The following SLC14A2 variants were observed in gnomAD, a reference collection of about 807,000 sequenced individuals.
SLC14A2 encodes solute carrier family 14 member 2, also known as urea transporter 2.
In SLC14A2, 91 loss-of-function variants were observed where a neutral mutation model predicts 104.6. That is an observed-to-expected ratio of 0.87 (90% confidence interval 0.73 to 1.04). SLC14A2 has a LOEUF of 1.04. SLC14A2 is among the 50% of genes least tolerant of loss of function. The pLI is 0.00. For missense variants in SLC14A2, 1,189 were observed against 1,156.0 expected, an observed-to-expected ratio of 1.03 and a Z score of -0.41; for synonymous variants, 476 against 466.4, an observed-to-expected ratio of 1.02 and a Z score of -0.27.
intron 16 of SLC14A2, among the ~76,000 whole-genome samples, chr18:45,671,104 G>C (rs964650879): frequency 6.6e-6 from 1 of 152,136 alleles, no homozygotes; most frequent in Admixed American, 6.5e-5. Context: ...ATATCTTTTG[G>C]AGACAAACTT....
At chr18:45,407,124 T>C (rs1220364584) in intron 1 of SLC14A2, among the ~76,000 whole-genome samples, 4 of 152,244 alleles carry the variant, frequency 2.6e-5, no homozygotes, top group Non-Finnish European at 4.4e-5. Flanking sequence ...TGGCATCTTC[T>C]CCCAATATAA....
Position 45,667,736 on chromosome 18 carries a change from C to G in SLC14A2, c.1718-97C>G, listed in dbSNP as rs2046051099. ...GCAGGTGGCTGGCTTCCTGCAAACC[C>G]ACTTCGGATATCCAGATTCCCTCAC... On this transcript the variant is annotated intron_variant, in intron 13 of 19. Transcript: ENST00000255226. 4 of 976,808 alleles carry G rather than the reference C, an allele frequency of 4.1e-6. No homozygotes were observed. In the Admixed American group the frequency reaches 7.7e-5, roughly 19 times the overall value. The allele number at this position is 976,808 out of a possible 1,614,324, so 60.5% of individuals were successfully genotyped here.
chr18:45,413,283 C>G (rs903687740), intron 1 of SLC14A2, among the ~76,000 whole-genome samples: 1 of 152,118 alleles, frequency 6.6e-6, no homozygotes, highest in Admixed American at 6.5e-5. Flanking sequence ...CCTTTAGTAA[C>G]AAGAAACTCA....
intron 1 of SLC14A2, among the ~76,000 whole-genome samples, chr18:45,441,703 G>T (rs1034494012): frequency 1.5e-4 from 23 of 152,326 alleles, no homozygotes; most frequent in African/African-American, 5.5e-4. Context: ...ACAGAAACCA[G>T]GAATGAGGAA....
intron 2 of SLC14A2, among the ~76,000 whole-genome samples, chr18:45,516,798 G>A (rs938183147): frequency 6.6e-6 from 1 of 152,224 alleles, no homozygotes; most frequent in Non-Finnish European, 1.5e-5. Context: ...GCTCCAAGGA[G>A]CTCACTCAGC....
intron 1 of SLC14A2, among the ~76,000 whole-genome samples, chr18:45,433,913 C>T (rs1568201094): frequency 6.6e-6 from 1 of 152,154 alleles, no homozygotes; most frequent in Non-Finnish European, 1.5e-5. Flanking sequence ...ACAGGAAGGG[C>T]CAGTGTTAGT....
At chr18:45,460,127 G>T (rs1158949830) in intron 1 of SLC14A2, among the ~76,000 whole-genome samples, 1 of 152,226 alleles carries the variant, frequency 6.6e-6, no homozygotes, top group Non-Finnish European at 1.5e-5. Context: ...GAAGATGTGA[G>T]TGATCTATTC....
At chr18:45,331,591 T>C (rs1472150263) in intron 1 of SLC14A2, among the ~76,000 whole-genome samples, 3 of 150,764 alleles carry the variant, frequency 2.0e-5, no homozygotes, top group Admixed American at 2.0e-4. Context: ...CTCGGGAGGC[T>C]GAGGCAGGAG....
At position 45,663,083 on chromosome 18, in the gene SLC14A2, C is replaced by T. The variant is rs555417320; in HGVS notation, c.1352-702C>T. 5.9e-5 allele frequency among the ~76,000 whole-genome samples: 9 copies of T among 152,314 alleles called. 1 individual carries two copies. In the South Asian group the frequency reaches 8.3e-4, roughly 14 times the overall value. On this transcript the variant is annotated intron_variant, in intron 10 of 19. Transcript: ENST00000255226. ...CTGATTACAGACTCAGCACTCCTAG[C>T]TCCCCATAAATTGGTATTGGTCAGG... is the stretch of plus-strand genomic sequence containing the variant.
chr18:45,324,046 CCTTTCTTTAGTGG>C (rs1445877586), intron 1 of SLC14A2, among the ~76,000 whole-genome samples: 2 of 152,112 alleles, frequency 1.3e-5, no homozygotes, highest in Admixed American at 1.3e-4. Flanking sequence ...GCACAAAAAC[CCTTTCTTTAGTGG>C]CTTGTGGGGT....
intron 1 of SLC14A2, among the ~76,000 whole-genome samples, chr18:45,235,797 G>A (rs1174743045): frequency 2.7e-5 from 3 of 110,566 alleles, no homozygotes; most frequent in Non-Finnish European, 5.4e-5. Flanking sequence ...GTGTATGCGC[G>A]TGTGTGTGTG....
chr18:45,479,567 A>G lies in SLC14A2; in HGVS notation c.-124-3666A>G, dbSNP rs1483366684. Among the ~76,000 whole-genome samples, 9 of 152,112 alleles carry G rather than the reference A, an allele frequency of 5.9e-5. No individual in the cohort carries two copies. The East Asian group carries it at 1.7e-3, about 29-fold the overall frequency. ...ACTACTCTCACTCACTATCTGTGCC[A>G]AGTTAGAGTACCTAGCACACAGGAA... On this transcript the variant is annotated intron_variant, in intron 1 of 20. Transcript: ENST00000586448.
chr18:45,355,303 C>T (rs544393385), intron 1 of SLC14A2, among the ~76,000 whole-genome samples: 3 of 152,118 alleles, frequency 2.0e-5, no homozygotes, highest in East Asian at 1.9e-4. Flanking sequence ...AGGCCTGGCG[C>T]GGTGGCTCAC....
At chr18:45,415,395 A>T (rs1275817651) in intron 1 of SLC14A2, among the ~76,000 whole-genome samples, 2 of 152,154 alleles carry the variant, frequency 1.3e-5, no homozygotes, top group Admixed American at 6.6e-5. Context: ...CTGGGACTTG[A>T]TGACATAATG....
chr18:45,431,199 G>A (rs2542971), intron 1 of SLC14A2, among the ~76,000 whole-genome samples: 116,616 of 152,078 alleles, frequency 0.77, 44,948 homozygotes, highest in South Asian at 0.88. Context: ...AGTGACCATT[G>A]GACTCTCTTC....
At chr18:45,608,891 G>A (rs1256174545) in intron 2 of SLC14A2, among the ~76,000 whole-genome samples, 6 of 152,214 alleles carry the variant, frequency 3.9e-5, no homozygotes, top group African/African-American at 1.4e-4. Context: ...CTTCCTTCAT[G>A]CCAGGTCCCC....
chr18:45,474,573 C>T (rs554606484), intron 1 of SLC14A2, among the ~76,000 whole-genome samples: 96 of 152,256 alleles, frequency 6.3e-4, no homozygotes, highest in African/African-American at 2.3e-3. Flanking sequence ...TTGGTCTATT[C>T]AGGGATTCAA....
chr18:45,317,039 G>T (rs1445515034), intron 1 of SLC14A2, among the ~76,000 whole-genome samples: 2 of 152,226 alleles, frequency 1.3e-5, no homozygotes, highest in Non-Finnish European at 2.9e-5. Context: ...TAAGGCATTA[G>T]AACTTAGGTC....
chr18:45,301,898 TC>T (rs1017045834), intron 1 of SLC14A2, among the ~76,000 whole-genome samples: 1 of 152,194 alleles, frequency 6.6e-6, no homozygotes, highest in African/African-American at 2.4e-5. Context: ...TATGATTCTC[TC>T]CTAAGTCTAT....
Sources: gnomAD v4.1 joint callset for allele counts (sites outside exome capture counted in the v4.1 genomes callset) on GRCh38, gnomAD v4.1.1 for gene constraint, MANE v1.5 for transcripts, NCBI Gene and HGNC (gene_info 2026-07-23, HGNC 2026-07-21) for gene names.